The following SCD5 variants were observed in gnomAD, a reference collection of about 807,000 sequenced individuals.
The protein encoded by SCD5 is acyl-CoA-desaturase 4.
In SCD5, 20 loss-of-function variants were observed where a neutral mutation model predicts 30.4. The observed-to-expected ratio is 0.66, with a 90% CI of 0.46 to 0.96. The LOEUF (loss-of-function observed/expected upper bound fraction) is 0.96, where lower values mean the gene tolerates loss of function less well. SCD5 is among the 40% of genes least tolerant of loss of function. The pLI is 0.00. For missense variants in SCD5, 381 were observed against 443.3 expected (o/e 0.86, Z 1.26); for synonymous variants, 173 against 176.4 (o/e 0.98, Z 0.16).
intron 1 of SCD5, chr4:82,775,320 A>G (rs1412254363): frequency 6.6e-6 from 1 of 152,356 alleles, no homozygotes; most frequent in Non-Finnish European, 1.5e-5. Flanking sequence ...ATGGAAGCTC[A>G]GTTCAATGGC....
At chr4:82,680,081 G>A (rs1728535776) in intron 3 of SCD5, among the ~76,000 whole-genome samples, 3 of 152,186 alleles carry the variant, frequency 2.0e-5, no homozygotes, top group Admixed American at 2.0e-4. Context: ...CAGCACAATT[G>A]TAGGCACTCT....
intron 3 of SCD5, among the ~76,000 whole-genome samples, chr4:82,678,066 C>A (rs1728473349): frequency 6.6e-6 from 1 of 151,964 alleles, no homozygotes; most frequent in Admixed American, 6.6e-5. Context: ...CTAGACCAGG[C>A]AACTAGGGGT....
chr4:82,749,693 A>G (rs1287212174), intron 1 of SCD5, among the ~76,000 whole-genome samples: 1 of 152,244 alleles, frequency 6.6e-6, no homozygotes, highest in African/African-American at 2.4e-5. Flanking sequence ...AATAGTCTCA[A>G]ATACCAACAT....
At chr4:82,798,234 G>C in intron 1 of SCD5, 72 bp downstream of exon 1, 2 of 1,253,098 alleles carry the variant, frequency 1.6e-6, no homozygotes, top group Non-Finnish European at 2.0e-6. Flanking sequence ...CGAGGGGCGA[G>C]CGGCGACCTC....
intron 1 of SCD5, among the ~76,000 whole-genome samples, chr4:82,714,205 C>T (rs1720172862): frequency 6.6e-6 from 1 of 152,202 alleles, no homozygotes; most frequent in Non-Finnish European, 1.5e-5. Flanking sequence ...CCCCACTTCC[C>T]CACCTGGATC....
chr4:82,760,537 A>T (rs2148845737), intron 1 of SCD5, among the ~76,000 whole-genome samples: 1 of 152,248 alleles, frequency 6.6e-6, no homozygotes, highest in African/African-American at 2.4e-5. Context: ...CTGGTTCTAC[A>T]CACGCACCAC....
At chr4:82,690,632 T>C (rs1053125565) in intron 2 of SCD5, among the ~76,000 whole-genome samples, 3 of 152,202 alleles carry the variant, frequency 2.0e-5, no homozygotes, top group Admixed American at 2.0e-4. Flanking sequence ...CTCTTTCCAT[T>C]CATACTCCCC....
chr4:82,710,330 T>C (rs937349021), intron 1 of SCD5, among the ~76,000 whole-genome samples: 1 of 152,226 alleles, frequency 6.6e-6, no homozygotes, highest in African/African-American at 2.4e-5. Context: ...CACCACCAGA[T>C]GCTGACTCTC....
chr4:82,750,993 ATTAACCTCTGTGAC>A (rs1266236165), intron 1 of SCD5, among the ~76,000 whole-genome samples: 1 of 152,180 alleles, frequency 6.6e-6, no homozygotes, highest in Non-Finnish European at 1.5e-5. Flanking sequence ...GCACTTACAT[ATTAACCTCTGTGAC>A]TATGTCTTCC....
At chr4:82,698,492 A>C (rs866898478) in intron 2 of SCD5, among the ~76,000 whole-genome samples, 1 of 152,136 alleles carries the variant, frequency 6.6e-6, no homozygotes, top group Admixed American at 6.5e-5. Context: ...TCTGAGGCTT[A>C]CTCAAGCCAT....
At chr4:82,776,050 C>G (rs1331961185) in intron 1 of SCD5, 1 of 157,606 alleles carries the variant, frequency 6.3e-6, no homozygotes, top group East Asian at 1.8e-4. Flanking sequence ...ATACCTTCAT[C>G]CCGATTTACA....
At chr4:82,695,247 A>T (rs1719674425) in intron 2 of SCD5, among the ~76,000 whole-genome samples, 1 of 150,380 alleles carries the variant, frequency 6.6e-6, no homozygotes, top group Non-Finnish European at 1.5e-5. Context: ...ATGCTAAGCC[A>T]CTGAAATATT....
chr4:82,763,227 C>T lies in SCD5; in HGVS notation c.232+35079G>A, dbSNP rs944715999. Among the ~76,000 whole-genome samples, 9 of 152,072 alleles carry T rather than the reference C, an allele frequency of 5.9e-5. No individual in the cohort carries two copies. In the South Asian group the frequency reaches 6.2e-4, roughly 11 times the overall value. On this transcript the variant is annotated intron_variant, in intron 1 of 4. Coordinates refer to ENST00000319540, the MANE Select transcript of SCD5 (RefSeq NM_001037582.3). ...GATAGGGCCTTTTAAGAAGTGATTA[C>T]GTGGCCAGGCATGGTGACTCACATC...
At chr4:82,771,006 C>T (rs1578061530) in intron 1 of SCD5, among the ~76,000 whole-genome samples, 2 of 152,284 alleles carry the variant, frequency 1.3e-5, no homozygotes, top group Middle Eastern at 3.4e-3. Flanking sequence ...CACTCTGTCA[C>T]CCAGCCTGGA....
At chr4:82,698,397 A>G (rs1719743578) in intron 2 of SCD5, among the ~76,000 whole-genome samples, 2 of 152,150 alleles carry the variant, frequency 1.3e-5, no homozygotes, top group African/African-American at 2.4e-5. Flanking sequence ...CCTCCTTGAC[A>G]TGCACACCCC....
At chr4:82,691,028 T>C (rs28427163) in intron 2 of SCD5, among the ~76,000 whole-genome samples, 14,564 of 151,904 alleles carry the variant, frequency 0.096, 1,091 homozygotes, top group African/African-American at 0.2. Flanking sequence ...GTTTGTTTTG[T>C]TTTGTTTTGT....
intron 1 of SCD5, among the ~76,000 whole-genome samples, chr4:82,791,923 T>G (rs1375413669): frequency 6.6e-6 from 1 of 152,196 alleles, no homozygotes; most frequent in Non-Finnish European, 1.5e-5. Flanking sequence ...TGAGGAAAAC[T>G]AAAATATTAT....
intron 3 of SCD5, among the ~76,000 whole-genome samples, chr4:82,663,989 T>C (rs948151193): frequency 6.6e-6 from 1 of 152,174 alleles, no homozygotes; most frequent in African/African-American, 2.4e-5. Flanking sequence ...CTAAGACTGA[T>C]ACTGGACCAG....
intron 1 of SCD5, among the ~76,000 whole-genome samples, chr4:82,758,372 C>T (rs1460223248): frequency 2.6e-5 from 4 of 152,070 alleles, no homozygotes; most frequent in Admixed American, 2.6e-4. Flanking sequence ...GGCAGGAGGA[C>T]CACTTGAGTC....
Sources: gnomAD v4.1 joint callset for allele counts (sites outside exome capture counted in the v4.1 genomes callset) on GRCh38, gnomAD v4.1.1 for gene constraint, MANE v1.5 for transcripts, NCBI Gene and HGNC (gene_info 2026-07-23, HGNC 2026-07-21) for gene names.